TYRP1: variants seen among roughly 807,000 people sequenced by gnomAD.
TYRP1 encodes the protein tyrosinase related protein 1, also known as 5,6-dihydroxyindole-2-carboxylic acid oxidase.
TYRP1 carries 49 observed loss-of-function variants against 42.8 expected under a neutral mutation model. The observed-to-expected ratio is 1.14, with a 90% CI of 0.91 to 1.45. The LOEUF (loss-of-function observed/expected upper bound fraction) is 1.45, where lower values mean the gene tolerates loss of function less well. TYRP1 is among the 40% of genes most tolerant of loss of function. TYRP1 has a pLI of 0.00. For synonymous variants in TYRP1, 279 were observed against 235.4 expected (o/e 1.19, Z -1.69); for missense variants, 848 against 662.0 (o/e 1.28, Z -3.08).
chr9:12,699,819 A>G (rs1287658606), intron 4 of TYRP1, among the ~76,000 whole-genome samples: 5 of 152,044 alleles, frequency 3.3e-5, no homozygotes, highest in Non-Finnish European at 7.4e-5. Context: ...TTGGCCTGAG[A>G]GTTTTCTAGA....
rs766047773 is a variant in TYRP1 at position 12,694,018 on chromosome 9, T to A, written c.22T>A (p.Ser8Thr). The A allele has an allele frequency of 3.1e-6, 5 of 1,613,944 alleles. No homozygotes were observed. The highest frequency in any genetic ancestry group is 1.6e-4 in the Middle Eastern group (1 of 6,084). The change falls in exon 2 of 8, where the codon TCT becomes ACT. Residue 8 changes from serine to threonine, a missense_variant. Physicochemically the swap from Ser to Thr is moderately conservative, Grantham distance 58. Transcript: ENST00000388918. ...CAGAATGAGTGCTCCTAAACTCCTC[T>A]CTCTGGGCTGTATCTTCTTCCCCTT... MSAPKLL[S>T]LGCIFFPLLL...
intron 4 of TYRP1, among the ~76,000 whole-genome samples, 197 bp from the exon 5 acceptor site, chr9:12,702,074 T>C (rs560424110): frequency 9.2e-5 from 14 of 152,208 alleles, no homozygotes; most frequent in South Asian, 2.1e-4. Context: ...GTATCTCATA[T>C]CTACTTGATT....
rs766411653 is a variant in TYRP1 at position 12,709,056 on chromosome 9, T to C, written c.1488T>C (p.Thr496=). The C allele has an allele frequency of 6.2e-7, 1 of 1,612,884 alleles. No homozygotes were observed. The highest frequency in any genetic ancestry group is 8.5e-7 in the Non-Finnish European group (1 of 1,179,294). ...TACTGGTTGCACTCATTTTTGGGAC[T>C]GCTTCTTATCTGATTCGTGCCAGAC... The part of the protein sequence containing the change: ...ALLLVALIFG[T]ASYLIRARRS... Residue 496 remains threonine (T), a synonymous_variant, in exon 8 of 8, where the codon ACT becomes ACC. Transcript: ENST00000388918.
intron 6 of TYRP1, among the ~76,000 whole-genome samples, chr9:12,705,457 T>G (rs1398833019): frequency 6.6e-6 from 1 of 152,090 alleles, no homozygotes; most frequent in Non-Finnish European, 1.5e-5. Context: ...TTAGGCATGC[T>G]TTCATTTCTA....
At chr9:12,707,976 G>A (rs746704737) in intron 6 of TYRP1, 21 bp from the exon 7 acceptor site, 42 of 1,598,548 alleles carry the variant, frequency 2.6e-5, no homozygotes, top group South Asian at 1.0e-4. Context: ...TTATTAATAC[G>A]TTGTCTTTGG....
chr9:12,698,455 T>C lies in TYRP1; in HGVS notation c.713T>C (p.Met238Thr), dbSNP rs778806389. 1.2e-6 allele frequency: 2 copies of C among 1,613,524 alleles called. No homozygotes were observed. The highest frequency in any genetic ancestry group is 1.7e-5 in the Admixed American group (1 of 59,930). ...AATGTGGTTTCTGTGATCTAGGAAA[T>C]GTTGCAAGAGCCTTCTTTCTCCCTT... ...LLRLEKDMQEMLQEPSFSLPY... is the reference protein window; with the variant it reads ...LLRLEKDMQETLQEPSFSLPY... The change falls in exon 4 of 8, where the codon ATG (methionine) becomes ACG (threonine). Residue 238 changes from methionine (M) to threonine (T), a missense_variant. Met to Thr is a moderately conservative substitution (Grantham distance 81, BLOSUM62 -1). Coordinates refer to ENST00000388918, the MANE Select transcript of TYRP1 (RefSeq NM_000550.3).
In TYRP1 at chr9:12,694,287, G is replaced by T. The variant is rs369474371; in HGVS notation, c.291G>T (p.Arg97Ser). 1 of 1,613,946 alleles carries T rather than the reference G, an allele frequency of 6.2e-7. No individual in the cohort carries two copies. The highest frequency in any genetic ancestry group is 1.7e-5 in the Admixed American group (1 of 59,996). ...REVWPLRFFN[R>S]TCHCNGNFSG... Reference sequence around the variant, plus strand: ...TCTGGCCCTTGCGCTTCTTCAATAGGACATGTCACTGCAACGGCAATTTCT... The same window carrying T: ...TCTGGCCCTTGCGCTTCTTCAATAGTACATGTCACTGCAACGGCAATTTCT... The change falls in exon 2 of 8, where the codon AGG becomes AGT. Residue 97 changes from arginine (R) to serine (S), a missense_variant. By Grantham distance (110) the Arg-to-Ser change is moderately radical (BLOSUM62 -1). Transcript: ENST00000388918.
At chr9:12,708,212 T>G in intron 7 of TYRP1, 69 bp downstream of exon 7, 1 of 1,557,414 alleles carries the variant, frequency 6.4e-7, no homozygotes, top group Non-Finnish European at 8.8e-7. Context: ...TCAAGTAGAG[T>G]AATCACGGTA....
intron 4 of TYRP1, among the ~76,000 whole-genome samples, chr9:12,701,008 A>ATGAGT (rs1391167075): frequency 6.6e-6 from 1 of 152,054 alleles, no homozygotes; most frequent in Non-Finnish European, 1.5e-5. Flanking sequence ...GAAAAGGAAT[A>ATGAGT]TGAGTTGAAG....
intron 6 of TYRP1, among the ~76,000 whole-genome samples, chr9:12,707,106 T>A (rs1818270757): frequency 6.6e-6 from 1 of 151,996 alleles, no homozygotes; most frequent in Non-Finnish European, 1.5e-5. Context: ...CACATTCAAT[T>A]CAATTCCTTC....
chr9:12,695,139 G>T (rs1205267272), intron 2 of TYRP1, among the ~76,000 whole-genome samples: 2 of 151,788 alleles, frequency 1.3e-5, no homozygotes, highest in Admixed American at 1.3e-4. Flanking sequence ...TAATTCTCTG[G>T]TCTTAACTAC....
Position 12,704,637 on chromosome 9 carries a change from C to T in TYRP1, c.1193C>T (p.Pro398Leu), listed in dbSNP as rs1818228968. The T allele has an allele frequency of 6.2e-7, 1 of 1,613,114 alleles. No individual in the cohort carries two copies. Among genetic ancestry groups the T allele is most frequent in the Non-Finnish European group, 8.5e-7 (1 of 1,179,440 alleles). ...GGQTHLSPNDPIFVLLHTFTD... is the reference protein window; with the variant it reads ...GGQTHLSPNDLIFVLLHTFTD... Reference sequence around the variant, plus strand: ...CAAACCCATTTGTCTCCAAATGATCCTATTTTTGTCCTCCTGCACACCTTC... The same window carrying T: ...CAAACCCATTTGTCTCCAAATGATCTTATTTTTGTCCTCCTGCACACCTTC... Residue 398 changes from proline to leucine, a missense_variant, in exon 6 of 8, where the codon CCT (proline) becomes CTT (leucine). Pro to Leu is a moderately conservative substitution (Grantham distance 98, BLOSUM62 -3). Coordinates refer to ENST00000388918, the MANE Select transcript of TYRP1 (RefSeq NM_000550.3).
intron 7 of TYRP1, among the ~76,000 whole-genome samples, chr9:12,708,551 G>A (rs999839502): frequency 2.6e-5 from 4 of 151,878 alleles, no homozygotes; most frequent in African/African-American, 9.7e-5. Flanking sequence ...CTATCTTAAA[G>A]GAAAAGGGAG....
At position 12,694,094 on chromosome 9, in the gene TYRP1, T is replaced by G; in HGVS notation, c.98T>G (p.Val33Gly). Residue 33 changes from valine to glycine, a missense_variant, in exon 2 of 8, where the codon GTT becomes GGT. Val to Gly is a moderately radical substitution (Grantham distance 109). Transcript: ENST00000388918. Reference sequence around the variant, plus strand: ...CAATTCCCAAGACAGTGTGCCACTGTTGAGGCTTTGAGAAGTGGTATGTGT... The same window carrying G: ...CAATTCCCAAGACAGTGTGCCACTGGTGAGGCTTTGAGAAGTGGTATGTGT... ...RAQFPRQCAT[V>G]EALRSGMCCP... The G allele has an allele frequency of 6.2e-7, 1 of 1,614,082 alleles. No homozygotes were observed. The highest frequency in any genetic ancestry group is 1.7e-5 in the Admixed American group (1 of 60,002).
rs375077494 is a variant in TYRP1 at position 12,695,794 on chromosome 9, C to T, written c.665C>T (p.Thr222Ile). The T allele has an allele frequency of 6.2e-7, 1 of 1,613,998 alleles. No individual in the cohort carries two copies. Among genetic ancestry groups the T allele is most frequent in the African/African-American group, 1.3e-5 (1 of 74,912 alleles). The change falls in exon 3 of 8, where the codon ACA (threonine) becomes ATA (isoleucine). Residue 222 changes from threonine (T) to isoleucine (I), a missense_variant. Thr to Ile is a moderately conservative substitution (Grantham distance 89, BLOSUM62 -1). Coordinates refer to ENST00000388918, the MANE Select transcript of TYRP1 (RefSeq NM_000550.3). ...DFSHEGPAFL[T>I]WHRYHLLRLE... ...TCTCATGAGGGACCAGCTTTTCTCA[C>T]ATGGCACAGGTACCACCTCCTGCGT...
In TYRP1 at chr9:12,709,275, T is replaced by C. The variant is rs1169952934; in HGVS notation, c.*93T>C. The stretch of plus-strand genomic sequence containing the variant: ...TTAACTGTATTTTCTTTCACTTTAT[T>C]ACCTTCTTTCTAATACAAGCATATG... On this transcript the variant is annotated 3_prime_UTR_variant, in exon 8 of 8. Transcript: ENST00000388918. The C allele has an allele frequency of 7.9e-7, 1 of 1,262,130 alleles. No homozygotes were observed. Among genetic ancestry groups the C allele is most frequent in the Non-Finnish European group, 1.1e-6 (1 of 871,404 alleles). The allele number at this position is 1,262,130 out of a possible 1,614,324, so 78.2% of individuals were successfully genotyped here. A position where few individuals can be genotyped will look rare whatever the true frequency, so the allele number is the denominator to read the frequency against.
chr9:12,700,290 G>T (rs1818144856), intron 4 of TYRP1: 1 of 151,926 alleles, frequency 6.6e-6, no homozygotes, highest in African/African-American at 2.4e-5. Flanking sequence ...TCCACCTTTA[G>T]ATAAAACCTT....
rs1435975707 is a variant in TYRP1, at chr9:12,698,601, C to T, written c.859C>T (p.Arg287Ter). The change falls in exon 4 of 8, where the codon CGA becomes TGA. Residue 287 changes from arginine (R) to a stop codon, truncating the protein, a stop_gained. Coordinates refer to ENST00000388918, the MANE Select transcript of TYRP1 (RefSeq NM_000550.3). LOFTEE classifies it high-confidence loss of function. ...CCCAAACTCTGTCTTTTCTCAATGG[C>T]GAGTGGTCTGTGACTCCTTGGAAGA... Reference protein sequence around the residue: ...ISPNSVFSQWRVVCDSLEDYD... With the variant: ...ISPNSVFSQW 7.4e-6 allele frequency: 12 copies of T among 1,613,584 alleles called. No homozygotes were observed. In the African/African-American group the frequency reaches 8.0e-5, roughly 11 times the overall value.
chr9:12,703,907 G>GTGTGTA (rs748403029), intron 5 of TYRP1, among the ~76,000 whole-genome samples: 1 of 139,576 alleles, frequency 7.2e-6, no homozygotes, highest in Non-Finnish European at 1.6e-5. Flanking sequence ...GTGTGTGTGT[G>GTGTGTA]TGTATATATG....
Sources: allele counts gnomAD v4.1 joint callset (sites outside exome capture counted in the v4.1 genomes callset), GRCh38; gene constraint gnomAD v4.1.1; transcripts MANE v1.5; gene names NCBI Gene and HGNC (gene_info 2026-07-23, HGNC 2026-07-21).